Variants in HDAC9 observed in about 807,000 individuals in gnomAD.
HDAC9 encodes the protein MEF-2 interacting transcription repressor (MITR) protein.
HDAC9 carries 41 observed loss-of-function variants against 139.4 expected under a neutral mutation model. That is an observed-to-expected ratio of 0.29 (90% CI 0.23 to 0.38). The LOEUF is 0.38. Ranked by LOEUF, HDAC9 falls within the 10% of genes least tolerant of loss-of-function variation. The pLI, the probability that HDAC9 is intolerant of heterozygous loss-of-function variation, is 1.00. For missense variants in HDAC9, 1,147 were observed against 1,297.0 expected (o/e 0.88, Z 1.78); for synonymous variants, 517 against 476.2 (o/e 1.09, Z -1.12).
chr7:18,247,519 G>A (rs1289791458), intron 2 of HDAC9, among the ~76,000 whole-genome samples: 1 of 152,062 alleles, frequency 6.6e-6, no homozygotes, highest in African/African-American at 2.4e-5. Context: ...ATGGGAATGG[G>A]TTTAAGGGAA....
At chr7:18,194,690 G>GTATTCA (rs1790607572) in intron 2 of HDAC9, among the ~76,000 whole-genome samples, 1 of 152,116 alleles carries the variant, frequency 6.6e-6, no homozygotes. Flanking sequence ...TTTTAAAGAT[G>GTATTCA]TATTCATACA....
rs115440102 is a variant in HDAC9, at chr7:18,374,389, C to T, written c.-42+83874C>T. The stretch of plus-strand genomic sequence containing the variant: ...GGTGATTTCCTCATTGTGTGAACAT[C>T]TTAGAGAGCACTTACAACACAAGCC... On this transcript the variant is annotated intron_variant, in intron 1 of 3. Transcript: ENST00000413509. 5.5e-3 allele frequency among the ~76,000 whole-genome samples: 833 copies of T among 152,026 alleles called. 9 individuals carry two copies. Among genetic ancestry groups the T allele is most frequent in the African/African-American group, 0.019 (804 of 41,484 alleles).
At chr7:18,722,264 A>C (rs1785201019) in intron 12 of HDAC9, among the ~76,000 whole-genome samples, 2 of 152,194 alleles carry the variant, frequency 1.3e-5, no homozygotes, top group African/African-American at 4.8e-5. Context: ...AAATAGACTC[A>C]ATAGAGAATA....
intron 1 of HDAC9, among the ~76,000 whole-genome samples, chr7:18,098,213 C>T (rs1026490240): frequency 6.6e-6 from 1 of 152,174 alleles, no homozygotes; most frequent in African/African-American, 2.4e-5. Context: ...GAATTGCTTC[C>T]TGCAAATGGC....
At chr7:18,949,310 C>A (rs1782623241) in intron 23 of HDAC9, 2 of 235,302 alleles carry the variant, frequency 8.5e-6, no homozygotes, top group Non-Finnish European at 1.7e-5. Context: ...TTCTGTGGAA[C>A]CTCACTACCA....
At chr7:18,897,505 G>A (rs73684309) in intron 22 of HDAC9, among the ~76,000 whole-genome samples, 3,998 of 151,920 alleles carry the variant, frequency 0.026, 183 homozygotes, top group African/African-American at 0.09. Flanking sequence ...AATGCTATGC[G>A]GAGGTTTCTG....
chr7:18,095,890 A>C (rs373652784), intron 1 of HDAC9, among the ~76,000 whole-genome samples: 1 of 152,176 alleles, frequency 6.6e-6, no homozygotes, highest in Non-Finnish European at 1.5e-5. Context: ...TCTTTAATCT[A>C]TTTCTATGTT....
intron 22 of HDAC9, among the ~76,000 whole-genome samples, chr7:18,909,089 A>G (rs535832221): frequency 1.3e-5 from 2 of 152,114 alleles, no homozygotes; most frequent in African/African-American, 4.8e-5. Flanking sequence ...TAGCCATTCT[A>G]ACCGGGGTGA....
intron 22 of HDAC9, among the ~76,000 whole-genome samples, 197 bp downstream of exon 22, chr7:18,874,793 CTTTG>C (rs1799195861): frequency 2.6e-5 from 4 of 152,108 alleles, no homozygotes; most frequent in Admixed American, 2.6e-4. Context: ...AGTTAAAGTG[CTTTG>C]TTTGGTGGAC....
chr7:18,576,467 G>T (rs1469364235), intron 2 of HDAC9, among the ~76,000 whole-genome samples: 1 of 152,008 alleles, frequency 6.6e-6, no homozygotes, highest in Admixed American at 6.6e-5. Context: ...TTCAAAACCA[G>T]CTTGGCAAAT....
intron 2 of HDAC9, among the ~76,000 whole-genome samples, chr7:18,242,047 T>C (rs1003008715): frequency 1.3e-5 from 2 of 152,182 alleles, no homozygotes; most frequent in East Asian, 1.9e-4. Context: ...TAGGGTGCTC[T>C]ACCTGTGTCA....
At chr7:18,667,883 G>A in intron 12 of HDAC9, 1 of 982,604 alleles carries the variant, frequency 1.0e-6, no homozygotes, top group South Asian at 4.7e-5. Flanking sequence ...CTTTTGTTAA[G>A]CTAGTTAAAG....
chr7:18,669,241 A>C (rs566520429), intron 12 of HDAC9, among the ~76,000 whole-genome samples: 1 of 151,994 alleles, frequency 6.6e-6, no homozygotes, highest in Non-Finnish European at 1.5e-5. Flanking sequence ...AATCCCTTGA[A>C]CATAACAAGC....
intron 1 of HDAC9, among the ~76,000 whole-genome samples, chr7:18,424,120 G>A (rs1161517168): frequency 1.3e-5 from 2 of 152,060 alleles, no homozygotes; most frequent in Non-Finnish European, 2.9e-5. Context: ...GACATTCCAC[G>A]TTACTGATCT....
chr7:18,440,152 A>C (rs1268911977), intron 1 of HDAC9, among the ~76,000 whole-genome samples: 1 of 151,638 alleles, frequency 6.6e-6, no homozygotes, highest in Non-Finnish European at 1.5e-5. Context: ...GGATACTGTG[A>C]AATATTCTCT....
intron 1 of HDAC9, among the ~76,000 whole-genome samples, chr7:18,471,855 A>G (rs1166000741): frequency 6.6e-6 from 1 of 152,192 alleles, no homozygotes; most frequent in Non-Finnish European, 1.5e-5. Flanking sequence ...AGAAGAGATG[A>G]GAGATGCTAG....
chr7:18,298,875 C>G (rs1798331507), intron 1 of HDAC9, among the ~76,000 whole-genome samples: 1 of 152,044 alleles, frequency 6.6e-6, no homozygotes, highest in Admixed American at 6.6e-5. Flanking sequence ...AGTTTCATAT[C>G]AGCATTTTGT....
intron 2 of HDAC9, among the ~76,000 whole-genome samples, chr7:18,508,514 C>T (rs1800476862): frequency 6.6e-6 from 1 of 152,094 alleles, no homozygotes; most frequent in Admixed American, 6.5e-5. Flanking sequence ...CCAAGTGCCT[C>T]TCTCTTGTAT....
chr7:18,197,680 C>G (rs1472132308), intron 2 of HDAC9, among the ~76,000 whole-genome samples: 1 of 152,178 alleles, frequency 6.6e-6, no homozygotes, highest in Non-Finnish European at 1.5e-5. Flanking sequence ...GCAGAGCTCT[C>G]TTGACATTGG....
Sources: allele counts gnomAD v4.1 joint callset (sites outside exome capture counted in the v4.1 genomes callset), GRCh38; gene constraint gnomAD v4.1.1; transcripts MANE v1.5; gene names NCBI Gene and HGNC (gene_info 2026-07-23, HGNC 2026-07-21).